LIN28B: variants seen among roughly 807,000 people sequenced by gnomAD.
LIN28B encodes protein lin-28 homolog B.
LIN28B carries 5 observed loss-of-function variants against 21.9 expected under a neutral mutation model. The ratio of observed to expected loss-of-function variants is 0.23; its 90% CI spans 0.12 to 0.48. LIN28B has a LOEUF of 0.48. Among genes scored for constraint, LIN28B ranks in the 20% least tolerant of loss-of-function variants. The probability of loss-of-function intolerance (pLI) is 0.98; values close to 1 mark genes in which losing one functional copy is unlikely to be tolerated. For missense variants in LIN28B, 245 were observed against 310.5 expected (o/e 0.79, Z 1.58); for synonymous variants, 109 against 111.3 (o/e 0.98, Z 0.13).
chr6:105,040,887 A>G (rs566169295), intron 3 of LIN28B, among the ~76,000 whole-genome samples: 1 of 152,018 alleles, frequency 6.6e-6, no homozygotes, highest in South Asian at 2.1e-4. Context: ...CTTATATGCA[A>G]TTGGATTTTT....
chr6:105,066,976 A>G (rs1772231628), intron 3 of LIN28B, among the ~76,000 whole-genome samples: 1 of 152,182 alleles, frequency 6.6e-6, no homozygotes, highest in Admixed American at 6.5e-5. Flanking sequence ...GTGGAATTGT[A>G]TTTCTTCAGG....
intron 3 of LIN28B, 93 bp from the exon 4 acceptor site, chr6:105,078,321 C>G (rs956527738): frequency 8.8e-7 from 1 of 1,131,244 alleles, no homozygotes; most frequent in South Asian, 1.5e-5. Context: ...ATAAGCTTAT[C>G]TCATTGGTAG....
chr6:105,002,712 C>T (rs1013149097), intron 2 of LIN28B, among the ~76,000 whole-genome samples: 3 of 152,164 alleles, frequency 2.0e-5, no homozygotes, highest in South Asian at 2.1e-4. Context: ...TCATCTGTGG[C>T]TTTCAAAGTG....
rs372356324 is a variant in LIN28B at position 104,942,617 on chromosome 6, CA to C, written c.18+5503del. On this transcript the variant is annotated intron_variant, in intron 2 of 5. Coordinates refer to the LIN28B transcript ENST00000635857. ...AATGTAATAATCAGTATTCCATTTTCAATAATAATTACACCCTTGTCCATCT... is the reference window on the plus strand; with the variant it reads ...AATGTAATAATCAGTATTCCATTTTCATAATAATTACACCCTTGTCCATCT... 6.4e-3 allele frequency among the ~76,000 whole-genome samples: 976 copies of C among 152,062 alleles called. 10 individuals carry two copies. The highest frequency in any genetic ancestry group is 0.023 in the African/African-American group (938 of 41,488).
intron 2 of LIN28B, among the ~76,000 whole-genome samples, chr6:105,009,065 T>G (rs977566179): frequency 1.3e-5 from 2 of 152,320 alleles, no homozygotes; most frequent in African/African-American, 2.4e-5. Context: ...TATGGTTTTT[T>G]TGTGTGTGTG....
intron 2 of LIN28B, among the ~76,000 whole-genome samples, chr6:105,002,836 A>G (rs982393293): frequency 6.6e-6 from 1 of 152,186 alleles, no homozygotes; most frequent in Non-Finnish European, 1.5e-5. Context: ...TTAGTAGAGG[A>G]CAACTTTGTT....
At chr6:105,030,181 A>G (rs1476466094) in intron 3 of LIN28B, among the ~76,000 whole-genome samples, 5 of 152,314 alleles carry the variant, frequency 3.3e-5, no homozygotes, top group South Asian at 4.1e-4. Context: ...AAAATGGTGT[A>G]GAGACAACAT....
At chr6:105,013,407 C>G (rs1770961860) in intron 2 of LIN28B, among the ~76,000 whole-genome samples, 1 of 151,496 alleles carries the variant, frequency 6.6e-6, no homozygotes, top group Non-Finnish European at 1.5e-5. Flanking sequence ...TTTAAGTAGG[C>G]ATATCAGTTC....
chr6:105,075,995 G>A (rs1772417483), intron 3 of LIN28B, among the ~76,000 whole-genome samples: 1 of 152,168 alleles, frequency 6.6e-6, no homozygotes, highest in Admixed American at 6.5e-5. Flanking sequence ...TTGTAGAGGA[G>A]AACTGTGTGG....
intron 2 of LIN28B, among the ~76,000 whole-genome samples, chr6:104,968,188 GTTAA>G (rs1769902441): frequency 6.6e-6 from 1 of 152,082 alleles, no homozygotes; most frequent in South Asian, 2.1e-4. Context: ...GTTTTTTCCA[GTTAA>G]TTCTCATTGT....
chr6:104,991,116 T>A (rs1770462610), intron 2 of LIN28B, among the ~76,000 whole-genome samples: 1 of 150,386 alleles, frequency 6.6e-6, no homozygotes, highest in Admixed American at 6.6e-5. Context: ...GAGGGGCTCC[T>A]CACTTCCCAG....
intron 2 of LIN28B, among the ~76,000 whole-genome samples, chr6:105,024,180 C>T (rs1006129970): frequency 1.4e-4 from 21 of 152,046 alleles, no homozygotes; most frequent in African/African-American, 4.3e-4. Context: ...TTAGTAGAGA[C>T]GGGGTTTTGC....
intron 2 of LIN28B, among the ~76,000 whole-genome samples, chr6:104,974,111 T>C (rs1770033314): frequency 6.6e-6 from 1 of 152,242 alleles, no homozygotes; most frequent in South Asian, 2.1e-4. Flanking sequence ...AATAAATTGA[T>C]ATCAATAGAT....
intron 3 of LIN28B, among the ~76,000 whole-genome samples, chr6:105,063,681 C>T (rs573786579): frequency 3.8e-4 from 57 of 150,422 alleles, no homozygotes; most frequent in African/African-American, 1.2e-3. Context: ...AATAAAACAG[C>T]GATGATTTCT....
At position 105,059,004 on chromosome 6, in the gene LIN28B, C is replaced by T. The variant is rs114964177; in HGVS notation, c.384-19410C>T. Among the ~76,000 whole-genome samples, 824 of 152,228 alleles carry T rather than the reference C, an allele frequency of 5.4e-3. 5 individuals carry two copies. The highest frequency in any genetic ancestry group is 0.018 in the African/African-American group (764 of 41,558). On this transcript the variant is annotated intron_variant, in intron 3 of 3. Coordinates refer to ENST00000345080, the MANE Select transcript of LIN28B (RefSeq NM_001004317.4). ...AGGAAGATCTGTTTCCTAAGATATG[C>T]TTGTCAGACTTTGAGGAAGTTTGAT... is the stretch of plus-strand genomic sequence containing the variant.
rs1778301193 is a variant in LIN28B, at chr6:104,957,153, G to T, written c.-98G>T. On this transcript the variant is annotated 5_prime_UTR_variant, in exon 1 of 4. Transcript: ENST00000345080. Reference sequence around the variant, plus strand: ...GACCATGCGAGCTAAATTTGTGATCGCACAAAATCAAGATGTTAGATTGAT... The same window carrying T: ...GACCATGCGAGCTAAATTTGTGATCTCACAAAATCAAGATGTTAGATTGAT... The T allele has an allele frequency of 6.2e-6, 10 of 1,610,322 alleles. No individual in the cohort carries two copies. Among genetic ancestry groups the T allele is most frequent in the Non-Finnish European group, 7.6e-6 (9 of 1,178,106 alleles).
chr6:105,035,521 A>G (rs1040788294), intron 3 of LIN28B, among the ~76,000 whole-genome samples: 1 of 152,168 alleles, frequency 6.6e-6, no homozygotes, highest in Non-Finnish European at 1.5e-5. Context: ...AGAATGGTAA[A>G]TGGAATGGAA....
intron 3 of LIN28B, among the ~76,000 whole-genome samples, chr6:105,060,119 T>G (rs1582925854): frequency 6.6e-6 from 1 of 152,226 alleles, no homozygotes; most frequent in South Asian, 2.1e-4. Context: ...GTCAGGCTGG[T>G]CTTGAACTCC....
chr6:105,072,663 T>C (rs139902801), intron 3 of LIN28B, among the ~76,000 whole-genome samples: 1 of 152,280 alleles, frequency 6.6e-6, no homozygotes, highest in Non-Finnish European at 1.5e-5. Flanking sequence ...ACTTAGAATA[T>C]ATAAAAATTT....
Sources: allele counts gnomAD v4.1 joint callset (sites outside exome capture counted in the v4.1 genomes callset), GRCh38; gene constraint gnomAD v4.1.1; transcripts MANE v1.5; gene names NCBI Gene and HGNC (gene_info 2026-07-23, HGNC 2026-07-21).